Variants in MARCHF1 observed in about 807,000 individuals in gnomAD.
MARCHF1 encodes the protein E3 ubiquitin-protein ligase MARCHF1.
In MARCHF1, 40 loss-of-function variants were observed where a neutral mutation model predicts 54.2. The observed-to-expected ratio is 0.74, with a 90% confidence interval of 0.57 to 0.96. The LOEUF (loss-of-function observed/expected upper bound fraction) is 0.96. MARCHF1 is among the 40% of genes least tolerant of loss of function. The pLI, the probability that MARCHF1 is intolerant of heterozygous loss-of-function variation, is 0.00. For synonymous variants in MARCHF1, 236 were observed against 236.3 expected, an observed-to-expected ratio of 1.00 and a Z score of 0.01; for missense variants, 586 against 656.5, an observed-to-expected ratio of 0.89 and a Z score of 1.17.
intron 8 of MARCHF1, among the ~76,000 whole-genome samples, chr4:163,549,039 T>A (rs1049381561): frequency 1.3e-5 from 2 of 152,196 alleles, no homozygotes; most frequent in Non-Finnish European, 2.9e-5. Context: ...CAGGAGTATA[T>A]TGTTACCATG....
intron 1 of MARCHF1, among the ~76,000 whole-genome samples, chr4:164,125,958 C>G (rs558430046): frequency 6.6e-6 from 1 of 152,280 alleles, no homozygotes; most frequent in Non-Finnish European, 1.5e-5. Flanking sequence ...CGGGACTGGT[C>G]CCTGGTGTCA....
chr4:163,746,690 A>C (rs538387570), intron 4 of MARCHF1, among the ~76,000 whole-genome samples: 1 of 151,930 alleles, frequency 6.6e-6, no homozygotes, highest in South Asian at 2.1e-4. Context: ...TTTCTTTTTC[A>C]TGATTTTTTT....
At chr4:164,266,090 A>G (rs1478096888) in intron 1 of MARCHF1, among the ~76,000 whole-genome samples, 1 of 152,216 alleles carries the variant, frequency 6.6e-6, no homozygotes, top group Non-Finnish European at 1.5e-5. Context: ...AACACACACT[A>G]AATAAATGAA....
At chr4:164,063,537 TA>T (rs1754664769) in intron 2 of MARCHF1, among the ~76,000 whole-genome samples, 1 of 152,198 alleles carries the variant, frequency 6.6e-6, no homozygotes, top group Non-Finnish European at 1.5e-5. Flanking sequence ...TGAGGTATCC[TA>T]AATGGGAAAA....
At chr4:163,954,837 C>T (rs917925119) in intron 3 of MARCHF1, among the ~76,000 whole-genome samples, 11 of 152,130 alleles carry the variant, frequency 7.2e-5, no homozygotes, top group Non-Finnish European at 1.3e-4. Context: ...GCTTTAAGAG[C>T]TATAATTTTG....
chr4:163,715,527 G>C (rs1241925799), intron 4 of MARCHF1, among the ~76,000 whole-genome samples: 2 of 152,094 alleles, frequency 1.3e-5, no homozygotes, highest in African/African-American at 4.8e-5. Context: ...CCAAGCAAAG[G>C]TATTTTCTTT....
intron 5 of MARCHF1, among the ~76,000 whole-genome samples, chr4:163,696,482 GT>G (rs1453898210): frequency 3.3e-5 from 5 of 152,138 alleles, no homozygotes; most frequent in African/African-American, 7.2e-5. Flanking sequence ...AGTGACTGCT[GT>G]TGAGCACCAA....
At chr4:163,769,459 A>G (rs1016079375) in intron 4 of MARCHF1, among the ~76,000 whole-genome samples, 2 of 152,184 alleles carry the variant, frequency 1.3e-5, no homozygotes, top group Non-Finnish European at 2.9e-5. Flanking sequence ...CAAGAAATCT[A>G]TAAGGTAGGT....
At chr4:163,694,641 C>T (rs139442081) in intron 5 of MARCHF1, among the ~76,000 whole-genome samples, 2 of 152,128 alleles carry the variant, frequency 1.3e-5, no homozygotes, top group African/African-American at 4.8e-5. Flanking sequence ...ATCTCAGGAT[C>T]TGCTGTGATA....
intron 1 of MARCHF1, among the ~76,000 whole-genome samples, chr4:164,249,132 A>G (rs1733048977): frequency 6.6e-6 from 1 of 152,240 alleles, no homozygotes; most frequent in African/African-American, 2.4e-5. Flanking sequence ...CCCGGGGTAG[A>G]TACCAACATG....
chr4:163,953,625 T>TATACTCAATGTCTTACAGTAC (rs1752176473), intron 3 of MARCHF1, among the ~76,000 whole-genome samples: 1 of 152,128 alleles, frequency 6.6e-6, no homozygotes, highest in Non-Finnish European at 1.5e-5. Flanking sequence ...TTAACATACA[T>TATACTCAATGTCTTACAGTAC]TCATATACTC....
chr4:164,060,790 T>C (rs1269461913), intron 2 of MARCHF1, among the ~76,000 whole-genome samples: 1 of 152,176 alleles, frequency 6.6e-6, no homozygotes, highest in Non-Finnish European at 1.5e-5. Context: ...TTAAATGGAC[T>C]CTTATAAGCA....
intron 1 of MARCHF1, among the ~76,000 whole-genome samples, chr4:164,176,689 T>C (rs1428445777): frequency 6.6e-6 from 1 of 151,900 alleles, no homozygotes; most frequent in African/African-American, 2.4e-5. Flanking sequence ...TTTGTGTTGC[T>C]AATTTTATTT....
intron 4 of MARCHF1, among the ~76,000 whole-genome samples, chr4:163,841,787 G>A (rs1749347218): frequency 6.6e-6 from 1 of 152,130 alleles, no homozygotes; most frequent in Non-Finnish European, 1.5e-5. Flanking sequence ...GGTAACTGCA[G>A]TGTGAAAAGC....
chr4:163,851,747 T>C (rs1342961846), intron 4 of MARCHF1, among the ~76,000 whole-genome samples: 1 of 152,190 alleles, frequency 6.6e-6, no homozygotes. Context: ...GGGCCTGAAA[T>C]GGAAGGACGT....
chr4:164,115,778 G>A (rs988443438), intron 1 of MARCHF1, among the ~76,000 whole-genome samples: 2 of 151,906 alleles, frequency 1.3e-5, no homozygotes, highest in Non-Finnish European at 2.9e-5. Flanking sequence ...AATTTTCCAG[G>A]AGATGAAACA....
chr4:164,346,737 G>C (rs1730116867), intron 1 of MARCHF1, among the ~76,000 whole-genome samples: 1 of 149,246 alleles, frequency 6.7e-6, no homozygotes, highest in Non-Finnish European at 1.5e-5. Flanking sequence ...AGATGGTATG[G>C]AATTAAACAA....
intron 4 of MARCHF1, among the ~76,000 whole-genome samples, chr4:163,722,632 A>G (rs538568807): frequency 5.8e-4 from 88 of 152,276 alleles, no homozygotes; most frequent in African/African-American, 1.9e-3. Flanking sequence ...GTGGGGTGTT[A>G]AAGTCTCCCA....
chr4:164,170,523 A>T, intron 1 of MARCHF1, among the ~76,000 whole-genome samples: 1 of 152,112 alleles, frequency 6.6e-6, no homozygotes, highest in Non-Finnish European at 1.5e-5. Flanking sequence ...TAAATGAGAT[A>T]ATATATGTGA....
Sources: allele counts gnomAD v4.1 joint callset (sites outside exome capture counted in the v4.1 genomes callset), GRCh38; gene constraint gnomAD v4.1.1; transcripts MANE v1.5; gene names NCBI Gene and HGNC (gene_info 2026-07-23, HGNC 2026-07-21).